Variants in ATP6V1H observed in about 807,000 individuals in gnomAD.
The protein encoded by ATP6V1H is V-type proton ATPase subunit H.
In ATP6V1H, 39 loss-of-function variants were observed where a neutral mutation model predicts 71.7. The observed-to-expected ratio is 0.54, with a 90% confidence interval of 0.42 to 0.71. ATP6V1H has a LOEUF of 0.71. Ranked by LOEUF, ATP6V1H falls within the 30% of genes least tolerant of loss-of-function variation. The pLI is 0.00. For synonymous variants in ATP6V1H, 192 were observed against 199.3 expected (o/e 0.96, Z 0.31); for missense variants, 509 against 594.9 (o/e 0.86, Z 1.50).
intron 7 of ATP6V1H, among the ~76,000 whole-genome samples, chr8:53,808,280 G>A (rs1810156919): frequency 6.6e-6 from 1 of 152,190 alleles, no homozygotes; most frequent in African/African-American, 2.4e-5. Context: ...TCTTTCATCA[G>A]GGCATCAGCA....
rs139181460 is a variant in ATP6V1H, at chr8:53,809,150, T to C, written c.579+2014A>G. On this transcript the variant is annotated intron_variant, in intron 7 of 13. Coordinates refer to ENST00000359530, the MANE Select transcript of ATP6V1H (RefSeq NM_015941.4). ...CAGAGTCTCTGTGTGACCTCGGGCA[T>C]GTTGGTATGTTTTTCTGTTTGGTCT... Among the ~76,000 whole-genome samples, 1,194 of 152,280 alleles carry C rather than the reference T, an allele frequency of 7.8e-3. 4 individuals carry two copies. Among genetic ancestry groups the C allele is most frequent in the South Asian group, 0.015 (73 of 4,822 alleles).
chr8:53,736,464 T>A lies in ATP6V1H; in HGVS notation c.1391+7113A>T, dbSNP rs56973376. On this transcript the variant is annotated intron_variant, in intron 13 of 13. Coordinates refer to ENST00000359530, the MANE Select transcript of ATP6V1H (RefSeq NM_015941.4). ...CGAACAGACGCCCACAAGTTCAAGC[T>A]TCTAGCTGTTAAAAACTTCCATTAT... Among the ~76,000 whole-genome samples, 54 of 152,176 alleles carry A rather than the reference T, an allele frequency of 3.5e-4. 1 individual carries two copies. The highest frequency in any genetic ancestry group is 1.3e-3 in the African/African-American group (52 of 41,482).
intron 13 of ATP6V1H, among the ~76,000 whole-genome samples, chr8:53,726,471 C>T (rs991675734): frequency 2.0e-5 from 3 of 152,098 alleles, no homozygotes; most frequent in Non-Finnish European, 4.4e-5. Flanking sequence ...GAGATTTCAA[C>T]AAGGTTTCAA....
At position 53,794,225 on chromosome 8, in the gene ATP6V1H, T is replaced by C. The variant is rs888017993; in HGVS notation, c.870+1422A>G. On this transcript the variant is annotated intron_variant, in intron 9 of 13. Transcript: ENST00000359530. ...AGACCAGTATAATATGTCATTTTTATTTTTAAATACAAAACAAAATTATAC... is the reference window on the plus strand; with the variant it reads ...AGACCAGTATAATATGTCATTTTTACTTTTAAATACAAAACAAAATTATAC... Among the ~76,000 whole-genome samples, 8 of 152,354 alleles carry C rather than the reference T, an allele frequency of 5.3e-5. No homozygotes were observed. In the South Asian group the frequency reaches 1.5e-3, roughly 28 times the overall value.
chr8:53,747,700 C>A (rs1187784816), intron 12 of ATP6V1H, among the ~76,000 whole-genome samples: 1 of 151,698 alleles, frequency 6.6e-6, no homozygotes, highest in Non-Finnish European at 1.5e-5. Context: ...CCACCATGCC[C>A]GGCTAATTTT....
At chr8:53,785,832 A>G (rs1404066078) in intron 9 of ATP6V1H, among the ~76,000 whole-genome samples, 1 of 152,204 alleles carries the variant, frequency 6.6e-6, no homozygotes, top group South Asian at 2.1e-4. Flanking sequence ...GGGTATCAGC[A>G]GCGGTGGCTG....
At chr8:53,761,746 T>C (rs1808279852) in intron 11 of ATP6V1H, among the ~76,000 whole-genome samples, 2 of 152,358 alleles carry the variant, frequency 1.3e-5, no homozygotes, top group South Asian at 4.1e-4. Flanking sequence ...TGTATCATTT[T>C]CAGTAATACA....
chr8:53,753,671 C>T (rs1807884165), intron 12 of ATP6V1H, among the ~76,000 whole-genome samples: 1 of 152,172 alleles, frequency 6.6e-6, no homozygotes, highest in African/African-American at 2.4e-5. Context: ...TACCATCTAT[C>T]CATCTGTTTT....
At chr8:53,793,486 A>G (rs2130406134) in intron 9 of ATP6V1H, among the ~76,000 whole-genome samples, 1 of 152,228 alleles carries the variant, frequency 6.6e-6, no homozygotes, top group South Asian at 2.1e-4. Flanking sequence ...AAAAGATTTT[A>G]TTTTTTAAAT....
intron 9 of ATP6V1H, among the ~76,000 whole-genome samples, chr8:53,774,137 A>C (rs999090453): frequency 6.6e-6 from 1 of 152,252 alleles, no homozygotes; most frequent in Non-Finnish European, 1.5e-5. Flanking sequence ...CAAGTTTCCC[A>C]AATTCAATCT....
intron 9 of ATP6V1H, among the ~76,000 whole-genome samples, chr8:53,789,188 A>G (rs1248507499): frequency 6.6e-6 from 1 of 152,240 alleles, no homozygotes; most frequent in East Asian, 1.9e-4. Context: ...CTTCTGTGAT[A>G]TTACAGTATT....
intron 12 of ATP6V1H, among the ~76,000 whole-genome samples, chr8:53,750,049 G>A (rs1388709563): frequency 6.6e-6 from 1 of 152,140 alleles, no homozygotes; most frequent in Non-Finnish European, 1.5e-5. Flanking sequence ...AATTGTGTTT[G>A]ATTCTCAGAA....
In ATP6V1H at chr8:53,826,892, C is replaced by T. The variant is rs576269596; in HGVS notation, c.306+2552G>A. 2.2e-3 allele frequency among the ~76,000 whole-genome samples: 331 copies of T among 151,048 alleles called. 2 individuals are homozygous for T. Among genetic ancestry groups the T allele is most frequent in the African/African-American group, 7.6e-3 (314 of 41,060 alleles). ...GCTTGAACCCAGGAGGCAGAGGTTG[C>T]GGTGAGCGGGGGTTGCACCACTGCA... On this transcript the variant is annotated intron_variant, in intron 4 of 13. Coordinates refer to ENST00000359530, the MANE Select transcript of ATP6V1H (RefSeq NM_015941.4).
intron 3 of ATP6V1H, chr8:53,832,179 T>C (rs1042638897): frequency 1.3e-5 from 2 of 152,186 alleles, no homozygotes; most frequent in Non-Finnish European, 2.9e-5. Context: ...TCACCCCTTT[T>C]TGTAAAAAGT....
intron 9 of ATP6V1H, among the ~76,000 whole-genome samples, chr8:53,786,015 T>G (rs899587349): frequency 2.6e-5 from 4 of 152,194 alleles, no homozygotes; most frequent in Admixed American, 6.5e-5. Flanking sequence ...AGTCTGCCCA[T>G]TCTCAGATCT....
chr8:53,777,269 ATCAAAG>A (rs1224139296), intron 9 of ATP6V1H, among the ~76,000 whole-genome samples: 2 of 152,248 alleles, frequency 1.3e-5, no homozygotes, highest in African/African-American at 2.4e-5. Flanking sequence ...ATCCAGACAC[ATCAAAG>A]TCAATCTTCA....
At chr8:53,838,424 T>A (rs1163934919) in intron 2 of ATP6V1H, among the ~76,000 whole-genome samples, 1 of 152,164 alleles carries the variant, frequency 6.6e-6, no homozygotes, top group Non-Finnish European at 1.5e-5. Flanking sequence ...TGGCCACCTG[T>A]GAGTGTCTTT....
chr8:53,726,176 T>C (rs888713849), intron 13 of ATP6V1H, among the ~76,000 whole-genome samples: 5 of 152,218 alleles, frequency 3.3e-5, no homozygotes, highest in African/African-American at 4.8e-5. Flanking sequence ...AACTGCTGTA[T>C]AGACATCCCT....
At chr8:53,796,935 T>C (rs1338339525) in intron 8 of ATP6V1H, among the ~76,000 whole-genome samples, 4 of 152,280 alleles carry the variant, frequency 2.6e-5, no homozygotes, top group African/African-American at 9.6e-5. Context: ...TTGTATGATT[T>C]GTATATAGTT....
Sources: allele counts gnomAD v4.1 joint callset (sites outside exome capture counted in the v4.1 genomes callset), GRCh38; gene constraint gnomAD v4.1.1; transcripts MANE v1.5; gene names NCBI Gene and HGNC (gene_info 2026-07-23, HGNC 2026-07-21).